The following SCAI variants were observed in gnomAD, a reference collection of about 807,000 sequenced individuals.
SCAI encodes suppressor of cancer cell invasion.
In SCAI, 24 loss-of-function variants were observed where a neutral mutation model predicts 92.2. The observed-to-expected ratio is 0.26, with a 90% CI of 0.19 to 0.37. The LOEUF (loss-of-function observed/expected upper bound fraction) is 0.37, where lower values mean the gene tolerates loss of function less well. Ranked by LOEUF, SCAI falls within the 10% of genes least tolerant of loss-of-function variation. The pLI is 1.00. For synonymous variants in SCAI, 261 were observed against 258.6 expected (o/e 1.01, Z -0.09); for missense variants, 450 against 736.2 (o/e 0.61, Z 4.50).
At chr9:125,136,904 G>A (rs1017930495) in intron 2 of SCAI, among the ~76,000 whole-genome samples, 1 of 151,864 alleles carries the variant, frequency 6.6e-6, no homozygotes, top group African/African-American at 2.4e-5. Context: ...GGGATTACAG[G>A]CATGCGCCAT....
chr9:124,942,986 T>C lies in SCAI; in HGVS notation c.*9821A>G, dbSNP rs1311743156. 5 of 152,136 alleles carry C rather than the reference T, an allele frequency of 3.3e-5. No homozygotes were observed. The highest frequency in any genetic ancestry group is 7.3e-5 in the Non-Finnish European group (5 of 68,036). The allele number at this position is 152,136 out of a possible 1,614,324, so 9.4% of individuals were successfully genotyped here. A position where few individuals can be genotyped will look rare whatever the true frequency, so the allele number is the denominator to read the frequency against. On this transcript the variant is annotated 3_prime_UTR_variant, in exon 18 of 18. Transcript: ENST00000336505. ...ATCTTTTATGACAAATCACATCTCA[T>C]ACAAGAGTCAAAAGTGATGAACTCA...
At chr9:125,006,971 T>G (rs1832523494) in intron 9 of SCAI, among the ~76,000 whole-genome samples, 1 of 151,848 alleles carries the variant, frequency 6.6e-6, no homozygotes, top group Non-Finnish European at 1.5e-5. Flanking sequence ...AATACAAAAA[T>G]TAGCTGGGCG....
intron 3 of SCAI, among the ~76,000 whole-genome samples, chr9:125,038,213 C>T (rs1342267273): frequency 2.6e-5 from 4 of 152,006 alleles, no homozygotes; most frequent in Admixed American, 1.3e-4. Context: ...GCCAAGATTG[C>T]GCCACTGCAG....
chr9:125,003,539 A>G lies in SCAI; in HGVS notation c.893T>C (p.Phe298Ser). Residue 298 changes from phenylalanine to serine, a missense_variant, in exon 10 of 18, where the codon TTC becomes TCC. This residue lies in a region of SCAI where 360 missense variants were observed against 601.8 expected (regional missense o/e 0.60). Transcript: ENST00000336505. Reference sequence around the variant, plus strand: ...CCTTTCCAGAGCTTGTAACATCCGGAACATGTCAACAGTTAGTTCACTGAA... The same window carrying G: ...CCTTTCCAGAGCTTGTAACATCCGGGACATGTCAACAGTTAGTTCACTGAA... Reference protein sequence around the residue: ...VKFSELTVDMFRMLQALEREP... With the variant: ...VKFSELTVDMSRMLQALEREP... The G allele has an allele frequency of 6.2e-7, 1 of 1,613,348 alleles. No homozygotes were observed. Among genetic ancestry groups the G allele is most frequent in the Non-Finnish European group, 8.5e-7 (1 of 1,179,334 alleles).
intron 2 of SCAI, among the ~76,000 whole-genome samples, chr9:125,137,137 T>C (rs567348390): frequency 3.3e-5 from 5 of 152,278 alleles, no homozygotes; most frequent in African/African-American, 1.2e-4. Flanking sequence ...TAACTGTACA[T>C]TTTGTTTTCT....
Position 125,091,162 on chromosome 9 carries a change from T to C in SCAI, c.99-35155A>G, listed in dbSNP as rs111586188. Among the ~76,000 whole-genome samples, 10 of 152,180 alleles carry C rather than the reference T, an allele frequency of 6.6e-5. No homozygotes were observed. Among genetic ancestry groups the C allele is most frequent in the African/African-American group, 2.4e-4 (10 of 41,514 alleles). Reference sequence around the variant, plus strand: ...TCATAACTCACTCCAACAGATGCAATACCAGGGTTCAAAAATGGTGGCAAC... The same window carrying C: ...TCATAACTCACTCCAACAGATGCAACACCAGGGTTCAAAAATGGTGGCAAC... On this transcript the variant is annotated intron_variant, in intron 2 of 17. Coordinates refer to ENST00000336505, the MANE Select transcript of SCAI (RefSeq NM_001144877.3). The surrounding 1 kb of genome is among the most constrained non-coding windows in gnomAD (Gnocchi z 4.3).
chr9:124,970,531 C>T (rs1052813349), intron 17 of SCAI, among the ~76,000 whole-genome samples: 4 of 151,930 alleles, frequency 2.6e-5, no homozygotes, highest in Non-Finnish European at 5.9e-5. Flanking sequence ...CCAGCCTGGC[C>T]AATATGGTGA....
At chr9:124,988,682 A>G (rs1397026046) in intron 14 of SCAI, among the ~76,000 whole-genome samples, 1 of 152,178 alleles carries the variant, frequency 6.6e-6, no homozygotes, top group Non-Finnish European at 1.5e-5. Flanking sequence ...CAAACAAATA[A>G]AAGACAACCA....
At chr9:125,076,976 A>G (rs1472710048) in intron 2 of SCAI, among the ~76,000 whole-genome samples, 1 of 152,172 alleles carries the variant, frequency 6.6e-6, no homozygotes, top group African/African-American at 2.4e-5. Context: ...TGCTGGGATT[A>G]CAGGCGTGAG....
intron 13 of SCAI, among the ~76,000 whole-genome samples, chr9:124,999,393 A>C (rs1483840973): frequency 3.9e-5 from 6 of 152,056 alleles, no homozygotes; most frequent in African/African-American, 1.2e-4. Context: ...TCTCAAAAAA[A>C]AAAAAAAATG....
chr9:124,942,954 G>A lies in SCAI; in HGVS notation c.*9853C>T, dbSNP rs995295239. On this transcript the variant is annotated 3_prime_UTR_variant, in exon 18 of 18. Coordinates refer to ENST00000336505, the MANE Select transcript of SCAI (RefSeq NM_001144877.3). ...CTGAAATTCATTTAGTGAAGTAGTG[G>A]AAGGCTATCTTTTATGACAAATCAC... 4 of 152,200 alleles carry A rather than the reference G, an allele frequency of 2.6e-5. No homozygotes were observed. Among genetic ancestry groups the A allele is most frequent in the African/African-American group, 9.7e-5 (4 of 41,446 alleles). 9.4% of individuals were successfully genotyped at this position (152,200 alleles called of 1,614,324 possible).
intron 3 of SCAI, among the ~76,000 whole-genome samples, chr9:125,042,672 CA>C (rs1293166900): frequency 7.9e-6 from 1 of 126,964 alleles, no homozygotes; most frequent in Non-Finnish European, 1.7e-5. Flanking sequence ...CACACATATA[CA>C]AAAAGAAACA....
intron 2 of SCAI, among the ~76,000 whole-genome samples, chr9:125,066,944 G>A (rs189081963): frequency 3.3e-5 from 5 of 152,288 alleles, no homozygotes; most frequent in Non-Finnish European, 7.4e-5. Context: ...AGGCTATACC[G>A]TGAAGCCTAG....
In SCAI at chr9:125,036,132, A is replaced by C. The variant is rs190021712; in HGVS notation, c.231-6393T>G. 2.0e-3 allele frequency among the ~76,000 whole-genome samples: 299 copies of C among 151,958 alleles called. 1 individual carries two copies. The highest frequency in any genetic ancestry group is 6.9e-3 in the African/African-American group (286 of 41,234). ...ACCACTGCACTCCAGCCTGGGCAAC[A>C]AAGGGAGCCCCTGTCTTAAAAATAA... On this transcript the variant is annotated intron_variant, in intron 3 of 17. Transcript: ENST00000336505.
At chr9:125,056,241 G>A (rs1031365089) in intron 2 of SCAI, among the ~76,000 whole-genome samples, 5 of 152,136 alleles carry the variant, frequency 3.3e-5, no homozygotes, top group African/African-American at 1.2e-4. Flanking sequence ...CGAGGTGGAT[G>A]GATCACCTGA....
intron 8 of SCAI, 33 bp from the exon 9 acceptor site, chr9:125,018,984 G>A (rs1362324153): frequency 1.2e-5 from 20 of 1,603,708 alleles, no homozygotes; most frequent in Non-Finnish European, 1.7e-5. Context: ...CTTAACGAAT[G>A]GCCAAGACTA....
chr9:125,042,615 A>G (rs867400326), intron 3 of SCAI, among the ~76,000 whole-genome samples: 83 of 105,198 alleles, frequency 7.9e-4, no homozygotes, highest in African/African-American at 1.0e-3. Context: ...CCACCAGAGT[A>G]TGTGTGTGTG....
chr9:125,128,365 A>C (rs1564132182), intron 2 of SCAI, among the ~76,000 whole-genome samples: 1 of 151,794 alleles, frequency 6.6e-6, no homozygotes, highest in Non-Finnish European at 1.5e-5. Flanking sequence ...CACACTTGTA[A>C]TCCCAGCACT....
chr9:125,077,244 C>T (rs1266224459), intron 2 of SCAI, among the ~76,000 whole-genome samples: 1 of 152,146 alleles, frequency 6.6e-6, no homozygotes, highest in Non-Finnish European at 1.5e-5. Context: ...AACTTTTCCT[C>T]AAAGGAGAAA....
Sources: allele counts gnomAD v4.1 joint callset (sites outside exome capture counted in the v4.1 genomes callset), GRCh38; gene constraint gnomAD v4.1.1; regional missense constraint gnomAD v4.1.1; non-coding constraint Gnocchi (gnomAD v3.1); transcripts MANE v1.5; gene names NCBI Gene and HGNC (gene_info 2026-07-23, HGNC 2026-07-21).